The following PRKG1 variants were observed in gnomAD, a reference collection of about 807,000 sequenced individuals.
PRKG1 encodes protein kinase cGMP-dependent 1, also known as cGMP-dependent protein kinase 1.
Under a neutral mutation model 88.1 loss-of-function variants are expected in PRKG1, and 35 were observed. That is an observed-to-expected ratio of 0.40 (90% CI 0.30 to 0.53). PRKG1 has a LOEUF of 0.53. Among genes scored for constraint, PRKG1 ranks in the 20% least tolerant of loss-of-function variants. PRKG1 has a pLI of 0.59. For synonymous variants in PRKG1, 303 were observed against 292.5 expected, an observed-to-expected ratio of 1.04 and a Z score of -0.37; for missense variants, 540 against 839.8, an observed-to-expected ratio of 0.64 and a Z score of 4.41.
intron 5 of PRKG1, among the ~76,000 whole-genome samples, chr10:52,037,632 T>G (rs1845651472): frequency 6.6e-6 from 1 of 152,146 alleles, no homozygotes; most frequent in Non-Finnish European, 1.5e-5. Flanking sequence ...AGCATTAAAG[T>G]TGACTATGCC....
chr10:51,662,552 C>A (rs1159086862), intron 3 of PRKG1, among the ~76,000 whole-genome samples: 1 of 152,112 alleles, frequency 6.6e-6, no homozygotes, highest in Non-Finnish European at 1.5e-5. Context: ...TACTATGTGT[C>A]AGTTACTGTA....
chr10:51,830,552 TTTTTTTTG>T (rs1787412783), intron 4 of PRKG1, among the ~76,000 whole-genome samples: 1 of 93,664 alleles, frequency 1.1e-5, no homozygotes, highest in African/African-American at 9.8e-5. Flanking sequence ...TAAAGTGTTT[TTTTTTTTG>T]TTTTTTTTTT....
At chr10:51,191,798 TA>T (rs1039418923) in intron 2 of PRKG1, among the ~76,000 whole-genome samples, 8 of 151,924 alleles carry the variant, frequency 5.3e-5, no homozygotes, top group African/African-American at 1.7e-4. Context: ...CTCAATCTTA[TA>T]AAGAAGATTG....
intron 3 of PRKG1, among the ~76,000 whole-genome samples, chr10:51,618,845 T>C (rs1839133445): frequency 6.6e-6 from 1 of 151,942 alleles, no homozygotes; most frequent in Non-Finnish European, 1.5e-5. Flanking sequence ...CTTGACTTAC[T>C]GCAACTTCCG....
chr10:51,680,167 C>G (rs913807763), intron 3 of PRKG1, among the ~76,000 whole-genome samples: 2 of 152,030 alleles, frequency 1.3e-5, no homozygotes, highest in Non-Finnish European at 2.9e-5. Context: ...TAATTAGCCA[C>G]GAGCCAAATC....
intron 1 of PRKG1, among the ~76,000 whole-genome samples, chr10:51,091,004 C>G (rs1308028878): frequency 6.6e-6 from 1 of 152,152 alleles, no homozygotes; most frequent in South Asian, 2.1e-4. Context: ...GACCTTGATA[C>G]TGTATCTCAA....
chr10:51,280,148 G>T (rs1429921879), intron 2 of PRKG1, among the ~76,000 whole-genome samples: 2 of 152,112 alleles, frequency 1.3e-5, no homozygotes, highest in Non-Finnish European at 2.9e-5. Context: ...AGTTTGGCTG[G>T]ATATGAAATT....
At chr10:51,561,502 A>C (rs1837460609) in intron 3 of PRKG1, among the ~76,000 whole-genome samples, 1 of 152,142 alleles carries the variant, frequency 6.6e-6, no homozygotes, top group Non-Finnish European at 1.5e-5. Flanking sequence ...ATTATGTTCC[A>C]TCCTATCAAC....
chr10:51,393,818 G>C (rs1362160905), intron 2 of PRKG1, among the ~76,000 whole-genome samples: 1 of 152,152 alleles, frequency 6.6e-6, no homozygotes, highest in Non-Finnish European at 1.5e-5. Flanking sequence ...ATAGTACACT[G>C]TGAATTACTA....
At chr10:51,289,932 T>C (rs530205448) in intron 2 of PRKG1, among the ~76,000 whole-genome samples, 2 of 152,294 alleles carry the variant, frequency 1.3e-5, no homozygotes, top group African/African-American at 4.8e-5. Context: ...CCTTTGAATT[T>C]ATATGATGTC....
At chr10:51,265,350 A>G (rs1217675652) in intron 2 of PRKG1, among the ~76,000 whole-genome samples, 8 of 152,156 alleles carry the variant, frequency 5.3e-5, no homozygotes, top group Admixed American at 5.2e-4. Flanking sequence ...TTAGAATTTC[A>G]GAGAGACAAC....
intron 2 of PRKG1, among the ~76,000 whole-genome samples, chr10:51,168,822 C>T (rs905779552): frequency 6.6e-6 from 1 of 152,142 alleles, no homozygotes; most frequent in Admixed American, 6.6e-5. Flanking sequence ...AAATCTAGTG[C>T]AAATAGCCAA....
chr10:52,119,279 A>C (rs1373391357), intron 7 of PRKG1, among the ~76,000 whole-genome samples: 1 of 152,190 alleles, frequency 6.6e-6, no homozygotes, highest in African/African-American at 2.4e-5. Context: ...CAAACCACAG[A>C]GTAGAACAGT....
intron 5 of PRKG1, among the ~76,000 whole-genome samples, chr10:52,021,987 T>A (rs58242576): frequency 0.032 from 4,811 of 152,324 alleles, 245 homozygotes; most frequent in African/African-American, 0.1. Flanking sequence ...TATAATTTGC[T>A]ATGCAGACAG....
intron 4 of PRKG1, among the ~76,000 whole-genome samples, chr10:51,853,103 G>A (rs995530672): frequency 1.3e-5 from 2 of 152,094 alleles, no homozygotes; most frequent in Non-Finnish European, 2.9e-5. Flanking sequence ...GTGATATCTG[G>A]TATCTTGTTT....
chr10:51,343,917 G>T (rs1842056159), intron 2 of PRKG1, among the ~76,000 whole-genome samples: 1 of 152,170 alleles, frequency 6.6e-6, no homozygotes, highest in Non-Finnish European at 1.5e-5. Flanking sequence ...TCAACTGGTA[G>T]AGAGATTTGT....
intron 2 of PRKG1, among the ~76,000 whole-genome samples, chr10:51,350,241 T>C (rs745331663): frequency 2.0e-5 from 3 of 152,140 alleles, no homozygotes; most frequent in African/African-American, 4.8e-5. Context: ...CTCCCCAAGA[T>C]AGACTGACCT....
intron 3 of PRKG1, among the ~76,000 whole-genome samples, chr10:51,504,500 C>T (rs1841135140): frequency 6.6e-6 from 1 of 152,056 alleles, no homozygotes. Context: ...TTTTCCAATT[C>T]TGTGAAGAAA....
intron 4 of PRKG1, among the ~76,000 whole-genome samples, chr10:51,868,609 C>G (rs1192825098): frequency 4.6e-5 from 7 of 152,070 alleles, no homozygotes; most frequent in African/African-American, 1.7e-4. Flanking sequence ...ATCTTCATAG[C>G]TTTACAGTGC....
Sources: allele counts gnomAD v4.1 joint callset (sites outside exome capture counted in the v4.1 genomes callset), GRCh38; gene constraint gnomAD v4.1.1; transcripts MANE v1.5; gene names NCBI Gene and HGNC (gene_info 2026-07-23, HGNC 2026-07-21).